CCDC126: variants seen among roughly 807,000 people sequenced by gnomAD.
CCDC126 encodes the protein coiled-coil domain-containing protein 126.
A neutral mutation model predicts 11.7 loss-of-function variants in CCDC126; 5 were observed. That is an observed-to-expected ratio of 0.43 (90% confidence interval 0.22 to 0.90). The LOEUF is 0.90. Ranked by LOEUF, CCDC126 falls within the 40% of genes least tolerant of loss-of-function variation. The pLI, the probability that CCDC126 is intolerant of heterozygous loss-of-function variation, is 0.27. For synonymous variants in CCDC126, 60 were observed against 61.9 expected (o/e 0.97, Z 0.14); for missense variants, 150 against 163.1 (o/e 0.92, Z 0.44).
At chr7:23,639,801 C>T (rs182145523) in intron 3 of CCDC126, among the ~76,000 whole-genome samples, 58 of 152,250 alleles carry the variant, frequency 3.8e-4, no homozygotes, top group Non-Finnish European at 5.6e-4. Context: ...ACGACCACTA[C>T]GGTAGTACTA....
chr7:23,610,212 GTTTA>G (rs1197989732), intron 2 of CCDC126, among the ~76,000 whole-genome samples: 1 of 152,040 alleles, frequency 6.6e-6, no homozygotes, highest in Non-Finnish European at 1.5e-5. Flanking sequence ...CTGTTTGTTT[GTTTA>G]TTTATTTGTT....
intron 2 of CCDC126, among the ~76,000 whole-genome samples, chr7:23,602,379 A>G (rs1352814823): frequency 6.6e-6 from 1 of 152,192 alleles, no homozygotes; most frequent in Non-Finnish European, 1.5e-5. Flanking sequence ...CCCCTTTCAG[A>G]TTAGAGAACA....
rs1039365138 is a variant in CCDC126 at position 23,597,462 on chromosome 7, A to C, written c.-374A>C. On this transcript the variant is annotated 5_prime_UTR_variant, in exon 1 of 4. Coordinates refer to ENST00000307471, the MANE Select transcript of CCDC126 (RefSeq NM_138771.4). ...GGGAACAAACCTCGTCCCAACTCCC[A>C]CCCACCGGCGTTTCTCCAGCTCGAT... 2 of 152,118 alleles carry C rather than the reference A, an allele frequency of 1.3e-5. No individual in the cohort carries two copies. Among genetic ancestry groups the C allele is most frequent in the African/African-American group, 4.8e-5 (2 of 41,390 alleles). The allele number at this position is 152,118 out of a possible 1,614,324, so 9.4% of individuals were successfully genotyped here.
At chr7:23,600,018 C>G (rs1293717893) in intron 2 of CCDC126, among the ~76,000 whole-genome samples, 1 of 152,158 alleles carries the variant, frequency 6.6e-6, no homozygotes, top group Non-Finnish European at 1.5e-5. Flanking sequence ...TGCCTGACCT[C>G]AAGTGATCCG....
In CCDC126 at chr7:23,635,896, C is replaced by CCCACGGTCTCCTT. The variant is rs1251592693; in HGVS notation, c.239-7023_239-7011dup. 3.3e-5 allele frequency among the ~76,000 whole-genome samples: 5 copies of CCCACGGTCTCCTT among 151,918 alleles called. No homozygotes were observed. In the Middle Eastern group the frequency reaches 0.01, roughly 310 times the overall value. The stretch of plus-strand genomic sequence containing the variant: ...CCCTCTCCCTCTCCCTCTCCCTCTC[C>CCCACGGTCTCCTT]CCACGGTCTCCTTCCACGGTCTCCC... On this transcript the variant is annotated intron_variant, in intron 3 of 3. Transcript: ENST00000307471.
rs545172338 is a variant in CCDC126, at chr7:23,626,564, C to T, written c.238+15011C>T. Reference sequence around the variant, plus strand: ...TGAAGATTTGTTATATAGATAAACACGTGTCTTGGGGGGTTCATTGTACAT... The same window carrying T: ...TGAAGATTTGTTATATAGATAAACATGTGTCTTGGGGGGTTCATTGTACAT... On this transcript the variant is annotated intron_variant, in intron 3 of 3. Coordinates refer to ENST00000307471, the MANE Select transcript of CCDC126 (RefSeq NM_138771.4). Among the ~76,000 whole-genome samples, 7 of 151,760 alleles carry T rather than the reference C, an allele frequency of 4.6e-5. No individual in the cohort carries two copies. In the East Asian group the frequency reaches 5.8e-4, roughly 13 times the overall value.
intron 3 of CCDC126, among the ~76,000 whole-genome samples, chr7:23,621,056 A>T (rs1782885899): frequency 6.6e-6 from 1 of 152,220 alleles, no homozygotes; most frequent in Non-Finnish European, 1.5e-5. Flanking sequence ...TGACTTGGCA[A>T]TGCGGGCTCT....
intron 2 of CCDC126, among the ~76,000 whole-genome samples, chr7:23,602,713 C>T (rs1782563885): frequency 6.6e-6 from 1 of 152,134 alleles, no homozygotes; most frequent in Admixed American, 6.5e-5. Context: ...TGTACTTCCT[C>T]CTCTTTCTGA....
intron 3 of CCDC126, among the ~76,000 whole-genome samples, chr7:23,632,560 T>G (rs1422405707): frequency 6.6e-6 from 1 of 152,236 alleles, no homozygotes; most frequent in African/African-American, 2.4e-5. Flanking sequence ...GCGTCTTAAC[T>G]CTTATCAATG....
chr7:23,625,625 ATTTG>A (rs1178458460), intron 3 of CCDC126, among the ~76,000 whole-genome samples: 2 of 143,850 alleles, frequency 1.4e-5, no homozygotes, highest in Non-Finnish European at 3.0e-5. Context: ...CTGCTGGGAA[ATTTG>A]TTTATTTCTT....
At chr7:23,638,576 TGCGGAAGGCC>T (rs1310999463) in intron 3 of CCDC126, among the ~76,000 whole-genome samples, 1 of 125,306 alleles carries the variant, frequency 8.0e-6, no homozygotes, top group Non-Finnish European at 1.6e-5. Flanking sequence ...ACACAAACAC[TGCGGAAGGCC>T]GCAGGGTCCT....
At chr7:23,642,482 G>T (rs1306810747) in intron 3 of CCDC126, among the ~76,000 whole-genome samples, 2 of 152,048 alleles carry the variant, frequency 1.3e-5, no homozygotes, top group Non-Finnish European at 2.9e-5. Context: ...AAAAATTAGG[G>T]CCAGGAGCAG....
intron 3 of CCDC126, among the ~76,000 whole-genome samples, chr7:23,628,320 GT>G (rs1445861495): frequency 6.6e-6 from 1 of 152,206 alleles, no homozygotes; most frequent in African/African-American, 2.4e-5. Context: ...ACAGTGGTAT[GT>G]TCCCTGTGTG....
intron 3 of CCDC126, among the ~76,000 whole-genome samples, chr7:23,625,649 AT>A (rs34492140): frequency 0.021 from 1,652 of 77,126 alleles, 4 homozygotes; most frequent in Middle Eastern, 0.092. Context: ...TATTTGACTG[AT>A]TTTTTTTTTT....
At chr7:23,602,957 CT>C (rs1452583712) in intron 2 of CCDC126, among the ~76,000 whole-genome samples, 1 of 152,126 alleles carries the variant, frequency 6.6e-6, no homozygotes, top group Non-Finnish European at 1.5e-5. Context: ...ATGGTAGGTA[CT>C]TTGCTATTGT....
intron 2 of CCDC126, chr7:23,603,986 TAGA>T (rs969124831): frequency 6.6e-6 from 1 of 152,188 alleles, no homozygotes; most frequent in African/African-American, 2.4e-5. Context: ...CTGTGGGAGT[TAGA>T]AGAAGATCAG....
intron 3 of CCDC126, among the ~76,000 whole-genome samples, chr7:23,612,357 C>T (rs375651869): frequency 6.7e-5 from 10 of 149,116 alleles, no homozygotes; most frequent in Non-Finnish European, 7.4e-5. Context: ...CCCAGCTACT[C>T]GGGAGACTGA....
chr7:23,615,921 G>C (rs1782788248), intron 3 of CCDC126, among the ~76,000 whole-genome samples: 1 of 152,172 alleles, frequency 6.6e-6, no homozygotes, highest in African/African-American at 2.4e-5. Flanking sequence ...AATATGATGA[G>C]AATTACCCAA....
chr7:23,632,145 C>T (rs564913521), intron 3 of CCDC126, among the ~76,000 whole-genome samples: 6 of 147,112 alleles, frequency 4.1e-5, no homozygotes, highest in Non-Finnish European at 7.4e-5. Context: ...CCAGGCTGGA[C>T]TGCAGTGGTG....
Sources: allele counts gnomAD v4.1 joint callset (sites outside exome capture counted in the v4.1 genomes callset), GRCh38; gene constraint gnomAD v4.1.1; transcripts MANE v1.5; gene names NCBI Gene and HGNC (gene_info 2026-07-23, HGNC 2026-07-21).